Variants in JAG1 observed in about 807,000 individuals in gnomAD.
JAG1 encodes protein jagged-1.
Under a neutral mutation model 148.7 loss-of-function variants are expected in JAG1, and 23 were observed. The ratio of observed to expected loss-of-function variants is 0.15; its 90% CI spans 0.11 to 0.22. JAG1 has a LOEUF of 0.22. Ranked by LOEUF, JAG1 falls within the 10% of genes least tolerant of loss-of-function variation. The pLI, the probability that JAG1 is intolerant of heterozygous loss-of-function variation, is 1.00. For synonymous variants in JAG1, 572 were observed against 598.3 expected (o/e 0.96, Z 0.64); for missense variants, 1,054 against 1,611.2 (o/e 0.65, Z 5.92).
chr20:10,649,247 TGGGTGGG>T, intron 10 of JAG1, 140 bp from the exon 11 acceptor site: 1 of 694,566 alleles, frequency 1.4e-6, no homozygotes, highest in Admixed American at 2.3e-5. Flanking sequence ...GTTATTACGC[TGGGTGGG>T]GACCCTCCCT....
intron 13 of JAG1, 117 bp from the exon 14 acceptor site, chr20:10,647,220 A>G: frequency 8.2e-7 from 1 of 1,219,610 alleles, no homozygotes; most frequent in Non-Finnish European, 1.2e-6. Context: ...GGCTAATGAG[A>G]CACACCCCAG....
Position 10,673,995 on chromosome 20 carries a change from C to T in JAG1, c.-465G>A, listed in dbSNP as rs943315478. 4 of 152,204 alleles carry T rather than the reference C, an allele frequency of 2.6e-5. No individual in the cohort carries two copies. Among genetic ancestry groups the T allele is most frequent in the African/African-American group, 9.7e-5 (4 of 41,446 alleles). 9.4% of individuals were successfully genotyped at this position (152,204 alleles called of 1,614,324 possible). A position where few individuals can be genotyped will look rare whatever the true frequency, so the allele number is the denominator to read the frequency against. On this transcript the variant is annotated 5_prime_UTR_variant, in exon 1 of 26. Transcript: ENST00000254958. The surrounding 1 kb of genome is among the most constrained non-coding windows in gnomAD (Gnocchi z 4.7). ...CTCTCGGAGAAGGACCCGGAGAGCC[C>T]GTCTGGCAGCAGCGGCCGGGGCTGG...
intron 13 of JAG1, 31 bp downstream of exon 13, chr20:10,647,929 A>G (rs1437078035): frequency 6.2e-7 from 1 of 1,613,100 alleles, no homozygotes; most frequent in South Asian, 1.1e-5. Context: ...GCAAGTCTGG[A>G]GACAGCCAGG....
In JAG1 at chr20:10,652,620, C is replaced by T. The variant is rs756658479; in HGVS notation, c.756-22G>A. 3.1e-6 allele frequency: 5 copies of T among 1,613,238 alleles called. No homozygotes were observed. The African/African-American group carries it at 6.7e-5, about 22-fold the overall frequency. ...GCACCTGGAGACACACAGCACACCTCCAGGTTAGCCTTTTGAACGTTAAGA... is the reference window on the plus strand; with the variant it reads ...GCACCTGGAGACACACAGCACACCTTCAGGTTAGCCTTTTGAACGTTAAGA... On this transcript the variant is annotated intron_variant, in intron 5 of 25. Transcript: ENST00000254958.
chr20:10,650,679 T>C, intron 8 of JAG1: 1 of 347,292 alleles, frequency 2.9e-6, no homozygotes, highest in South Asian at 2.8e-5. Context: ...AAAGAAAAGT[T>C]TCATCATGGC....
intron 3 of JAG1, among the ~76,000 whole-genome samples, chr20:10,660,395 T>C (rs1279718236): frequency 6.6e-6 from 1 of 152,226 alleles, no homozygotes; most frequent in Admixed American, 6.5e-5. Context: ...CCATTAACTA[T>C]GTTTGCTCTG....
At chr20:10,663,816 A>T in intron 3 of JAG1, 147 bp downstream of exon 3, 1 of 721,476 alleles carries the variant, frequency 1.4e-6, no homozygotes. Context: ...ATTCCACTGA[A>T]GGTTCACCCT....
chr20:10,645,563 A>C lies in JAG1; in HGVS notation c.2000-94T>G. ...GCCTTTCCTACTGCTTACATCCAAC[A>C]TCCTATTCTGAGAACAGCCACAGTC... On this transcript the variant is annotated intron_variant, in intron 15 of 25. Coordinates refer to ENST00000254958, the MANE Select transcript of JAG1 (RefSeq NM_000214.3). The surrounding 1 kb of genome is among the most constrained non-coding windows in gnomAD (Gnocchi z 6.1). 1.0e-6 allele frequency: 1 copy of C among 959,616 alleles called. No homozygotes were observed. Among genetic ancestry groups the C allele is most frequent in the Non-Finnish European group, 1.7e-6 (1 of 598,898 alleles). 59.4% of individuals were successfully genotyped at this position (959,616 alleles called of 1,614,324 possible). A position where few individuals can be genotyped will look rare whatever the true frequency, so the allele number is the denominator to read the frequency against.
intron 3 of JAG1, among the ~76,000 whole-genome samples, chr20:10,660,202 C>T (rs2067406381): frequency 6.6e-6 from 1 of 152,216 alleles, no homozygotes; most frequent in African/African-American, 2.4e-5. Flanking sequence ...CACACCGCTT[C>T]CAACAGGGCC....
In JAG1 at chr20:10,644,852, A is replaced by T; in HGVS notation, c.2344+11T>A. ...CAGCCCTGGGAGAGTTCAAGGGGGG[A>T]GGACACTCACTCTGAGCACAGATGG... is the stretch of plus-strand genomic sequence containing the variant. On this transcript the variant is annotated intron_variant, in intron 18 of 25. Coordinates refer to ENST00000254958, the MANE Select transcript of JAG1 (RefSeq NM_000214.3). 1 of 1,587,834 alleles carries T rather than the reference A, an allele frequency of 6.3e-7. No individual in the cohort carries two copies. The highest frequency in any genetic ancestry group is 1.7e-4 in the Middle Eastern group (1 of 5,994).
At chr20:10,662,747 C>A (rs951161937) in intron 3 of JAG1, among the ~76,000 whole-genome samples, 2 of 152,236 alleles carry the variant, frequency 1.3e-5, no homozygotes, top group African/African-American at 4.8e-5. Flanking sequence ...CACCCCCACA[C>A]ACACCCCCCC....
chr20:10,661,626 G>C (rs1356353988), intron 3 of JAG1, among the ~76,000 whole-genome samples: 5 of 152,182 alleles, frequency 3.3e-5, no homozygotes, highest in Admixed American at 6.5e-5. Flanking sequence ...ATGAAGATCT[G>C]TCCCAAGAGC....
rs2067513848 is a variant in JAG1 at position 10,673,536 on chromosome 20, C to A, written c.-6G>T. On this transcript the variant is annotated 5_prime_UTR_variant, in exon 1 of 26. Transcript: ENST00000254958. This position sits in a 1 kb window ranked among gnomAD's most constrained non-coding sequence, Gnocchi z 4.7. ...CGCGTCCGTGGGGAACGCATCGCTG[C>A]GCCGCGCGCCGCGGGCACTCGGGAC... The A allele has an allele frequency of 1.6e-6, 2 of 1,237,784 alleles. No homozygotes were observed. Among genetic ancestry groups the A allele is most frequent in the East Asian group, 3.2e-5 (1 of 30,934 alleles). The allele number at this position is 1,237,784 out of a possible 1,614,324, so 76.7% of individuals were successfully genotyped here.
In JAG1 at chr20:10,638,892, AAG is replaced by A. The variant is rs1361637641; in HGVS notation, c.*604_*605del. On this transcript the variant is annotated 3_prime_UTR_variant, in exon 26 of 26. Transcript: ENST00000254958. ...CAAATATACACAGTGATTAATAAAA[AAG>A]AATTATTTACATAACTATACAAAGT... 2 of 153,856 alleles carry A rather than the reference AAG, an allele frequency of 1.3e-5. No homozygotes were observed. The highest frequency in any genetic ancestry group is 1.9e-4 in the East Asian group (1 of 5,218). 9.5% of individuals were successfully genotyped at this position (153,856 alleles called of 1,614,324 possible).
At chr20:10,667,065 T>G (rs939399671) in intron 2 of JAG1, among the ~76,000 whole-genome samples, 1 of 152,166 alleles carries the variant, frequency 6.6e-6, no homozygotes, top group Non-Finnish European at 1.5e-5. Flanking sequence ...CAAAGGTAAT[T>G]GTGTTGGCAG....
chr20:10,645,288 T>A lies in JAG1; in HGVS notation c.2114-32A>T. ...GAAAATATTTCAGTGTGAGTCCCAG[T>A]GGCCCCCTCCCACAGAAGACAGAGG... On this transcript the variant is annotated intron_variant, in intron 16 of 25. Coordinates refer to ENST00000254958, the MANE Select transcript of JAG1 (RefSeq NM_000214.3). This position sits in a 1 kb window ranked among gnomAD's most constrained non-coding sequence, Gnocchi z 6.1. The A allele has an allele frequency of 6.2e-7, 1 of 1,606,452 alleles. No individual in the cohort carries two copies. Among genetic ancestry groups the A allele is most frequent in the East Asian group, 2.2e-5 (1 of 44,836 alleles).
At chr20:10,652,715 AG>A in intron 5 of JAG1, 117 bp from the exon 6 acceptor site, 1 of 1,103,232 alleles carries the variant, frequency 9.1e-7, no homozygotes, top group Non-Finnish European at 1.3e-6. Flanking sequence ...GGGGACAGGA[AG>A]GTAGACTCCC....
chr20:10,672,477 T>C (rs1440035079), intron 2 of JAG1, among the ~76,000 whole-genome samples: 1 of 152,136 alleles, frequency 6.6e-6, no homozygotes, highest in African/African-American at 2.4e-5. Flanking sequence ...TCCCCACTTT[T>C]GTGCACTAAG....
chr20:10,638,675 C>T lies in JAG1; in HGVS notation c.*823G>A, dbSNP rs1166410736. On this transcript the variant is annotated 3_prime_UTR_variant, in exon 26 of 26. Coordinates refer to ENST00000254958, the MANE Select transcript of JAG1 (RefSeq NM_000214.3). Reference sequence around the variant, plus strand: ...TCCATCAGTATTCTGGGCACAGAAGCCCATCCTATTGTTTTAAAATAAACT... The same window carrying T: ...TCCATCAGTATTCTGGGCACAGAAGTCCATCCTATTGTTTTAAAATAAACT... 6.6e-6 allele frequency: 1 copy of T among 152,558 alleles called. No individual in the cohort carries two copies. The highest frequency in any genetic ancestry group is 1.5e-5 in the Non-Finnish European group (1 of 68,032). The allele number at this position is 152,558 out of a possible 1,614,324, so 9.5% of individuals were successfully genotyped here.
Sources: allele counts gnomAD v4.1 joint callset (sites outside exome capture counted in the v4.1 genomes callset), GRCh38; gene constraint gnomAD v4.1.1; non-coding constraint Gnocchi (gnomAD v3.1); transcripts MANE v1.5; gene names NCBI Gene and HGNC (gene_info 2026-07-23, HGNC 2026-07-21).